The following SLC11A1 variants were observed in gnomAD, a reference collection of about 807,000 sequenced individuals.
The protein encoded by SLC11A1 is solute carrier family 11 member 1.
In SLC11A1, 59 loss-of-function variants were observed where a neutral mutation model predicts 63.2. The observed-to-expected ratio is 0.93, with a 90% CI of 0.76 to 1.16. The LOEUF (loss-of-function observed/expected upper bound fraction) is 1.16, where lower values mean the gene tolerates loss of function less well. SLC11A1 is among the 50% of genes most tolerant of loss of function. SLC11A1 has a pLI of 0.00. For synonymous variants in SLC11A1, 305 were observed against 307.8 expected (o/e 0.99, Z 0.09); for missense variants, 688 against 730.7 (o/e 0.94, Z 0.67).
intron 5 of SLC11A1, 161 bp from the exon 6 acceptor site, chr2:218,386,999 G>C: frequency 1.4e-6 from 1 of 709,364 alleles, no homozygotes; most frequent in Non-Finnish European, 2.5e-6. Context: ...GCCCTGCCTC[G>C]ACTGTTCTAT....
intron 11 of SLC11A1, 134 bp from the exon 12 acceptor site, chr2:218,392,847 G>A (rs1411612929): frequency 3.0e-6 from 2 of 659,382 alleles, no homozygotes; most frequent in African/African-American, 3.8e-5. Flanking sequence ...CCTAGGGACA[G>A]AGCTGTCCCA....
rs1362570174 is a variant in SLC11A1 at position 218,395,622 on chromosome 2, T to A, written c.*587T>A. The A allele has an allele frequency of 6.6e-6, 1 of 152,320 alleles. No individual in the cohort carries two copies. The highest frequency in any genetic ancestry group is 1.9e-4 in the East Asian group (1 of 5,178). 9.4% of individuals were successfully genotyped at this position (152,320 alleles called of 1,614,324 possible). On this transcript the variant is annotated 3_prime_UTR_variant, in exon 15 of 15. Coordinates refer to ENST00000233202, the MANE Select transcript of SLC11A1 (RefSeq NM_000578.4). ...GCGCGCGCCACCACGCCCAGCTAATTTGTGTATTTTCAGCAGAGACGGGGT... is the reference window on the plus strand; with the variant it reads ...GCGCGCGCCACCACGCCCAGCTAATATGTGTATTTTCAGCAGAGACGGGGT...
At position 218,393,008 on chromosome 2, in the gene SLC11A1, T is replaced by C; in HGVS notation, c.1192T>C (p.Phe398Leu). The change falls in exon 12 of 15, where the codon TTC becomes CTC. Residue 398 changes from phenylalanine to leucine, a missense_variant. By Grantham distance (22) the Phe-to-Leu change is conservative. Transcript: ENST00000233202. ...EGFLRLRWSR[F>L]ARVLLTRSCA... is the part of the protein sequence containing the mutation. ...CTTCCTGAGGCTGCGGTGGTCACGC[T>C]TCGCCCGTGTCCTCCTCACCCGCTC... The C allele has an allele frequency of 6.3e-7, 1 of 1,596,108 alleles. No individual in the cohort carries two copies. The highest frequency in any genetic ancestry group is 8.5e-7 in the Non-Finnish European group (1 of 1,174,374).
chr2:218,391,127 G>T, intron 9 of SLC11A1, 71 bp from the exon 10 acceptor site: 1 of 1,383,844 alleles, frequency 7.2e-7, no homozygotes, highest in Non-Finnish European at 1.0e-6. Context: ...CCTGGTCAGT[G>T]CTAGGCAGTC....
At chr2:218,386,085 A>G (rs1696082197) in intron 4 of SLC11A1, among the ~76,000 whole-genome samples, 1 of 152,226 alleles carries the variant, frequency 6.6e-6, no homozygotes, top group South Asian at 2.1e-4. Context: ...GATGCTGATG[A>G]AATGGCCACT....
At position 218,395,284 on chromosome 2, in the gene SLC11A1, C is replaced by G. The variant is rs1191378654; in HGVS notation, c.*249C>G. On this transcript the variant is annotated 3_prime_UTR_variant, in exon 15 of 15. Coordinates refer to ENST00000233202, the MANE Select transcript of SLC11A1 (RefSeq NM_000578.4). The stretch of plus-strand genomic sequence containing the variant: ...TTAAGCACTTTAACACAGTGTCTGG[C>G]ACTTGGGACAAAAACAAACAAACGA... 1 of 495,860 alleles carries G rather than the reference C, an allele frequency of 2.0e-6. No homozygotes were observed. The highest frequency in any genetic ancestry group is 3.6e-6 in the Non-Finnish European group (1 of 278,442). 30.7% of individuals were successfully genotyped at this position (495,860 alleles called of 1,614,324 possible).
rs1696784300 is a variant in SLC11A1, at chr2:218,396,538, G to A, written c.*1503G>A. ...AGGTCCGGACGCTTGTTTATGAGAAGAATTTCCTCTTTCTTAAAAGGGCAA... is the reference window on the plus strand; with the variant it reads ...AGGTCCGGACGCTTGTTTATGAGAAAAATTTCCTCTTTCTTAAAAGGGCAA... On this transcript the variant is annotated 3_prime_UTR_variant, in exon 15 of 15. Coordinates refer to ENST00000233202, the MANE Select transcript of SLC11A1 (RefSeq NM_000578.4). The A allele has an allele frequency of 6.6e-6, 1 of 152,416 alleles. No homozygotes were observed. The highest frequency in any genetic ancestry group is 1.5e-5 in the Non-Finnish European group (1 of 68,080). The allele number at this position is 152,416 out of a possible 1,614,324, so 9.4% of individuals were successfully genotyped here.
rs1695974034 is a variant in SLC11A1 at position 218,384,547 on chromosome 2, A to T, written c.273+182A>T. On this transcript the variant is annotated intron_variant, in intron 3 of 14. Transcript: ENST00000233202. This position sits in a 1 kb window ranked among gnomAD's most constrained non-coding sequence, Gnocchi z 4.0. ...AAGGTGGGGCATTTGTGTGGGGGGT[A>T]GGGGACTGGACTCCTCTCTTTAAAA... 4 of 440,204 alleles carry T rather than the reference A, an allele frequency of 9.1e-6. No individual in the cohort carries two copies. The South Asian group carries it at 1.6e-4, about 18-fold the overall frequency. 27.3% of individuals were successfully genotyped at this position (440,204 alleles called of 1,614,324 possible).
rs112069723 is a variant in SLC11A1, at chr2:218,384,170, G to A, written c.151-73G>A. ...ATGAGCCTGTTGGGGCTCCTCTAGG[G>A]GATGGCCAAGGCCAGCTGCCACCAT... On this transcript the variant is annotated intron_variant, in intron 2 of 14. Transcript: ENST00000233202. This position sits in a 1 kb window ranked among gnomAD's most constrained non-coding sequence, Gnocchi z 4.0. 562 of 1,476,548 alleles carry A rather than the reference G, an allele frequency of 3.8e-4. 7 individuals are homozygous for A. The African/African-American group carries it at 6.8e-3, about 18-fold the overall frequency. The allele number at this position is 1,476,548 out of a possible 1,614,324, so 91.5% of individuals were successfully genotyped here. A position where few individuals can be genotyped will look rare whatever the true frequency, so the allele number is the denominator to read the frequency against.
chr2:218,389,602 G>C (rs1423644253), intron 8 of SLC11A1, among the ~76,000 whole-genome samples: 1 of 152,130 alleles, frequency 6.6e-6, no homozygotes, highest in African/African-American at 2.4e-5. Flanking sequence ...GGAACAAGGT[G>C]AGTGAAGGAG....
rs776420245 is a variant in SLC11A1, at chr2:218,387,847, C to A, written c.687C>A (p.Phe229Leu). The change falls in exon 8 of 15, where the codon TTC becomes TTA. Residue 229 changes from phenylalanine to leucine, a missense_variant. Physicochemically the swap from Phe to Leu is conservative, Grantham distance 22. Coordinates refer to ENST00000233202, the MANE Select transcript of SLC11A1 (RefSeq NM_000578.4). ...PEQGALLRGL[F>L]LPSCPGCGHP... ...AGGGAGCGCTTCTTCGGGGCCTGTT[C>A]CTGCCCTCGTGCCCGGGCTGCGGCC... 4.6e-5 allele frequency: 73 copies of A among 1,602,266 alleles called. No homozygotes were observed. The Admixed American group carries it at 5.3e-4, about 12-fold the overall frequency.
At chr2:218,387,764 G>A (rs2106332350) in intron 7 of SLC11A1, 36 bp from the exon 8 acceptor site, 1 of 1,611,906 alleles carries the variant, frequency 6.2e-7, no homozygotes, top group South Asian at 1.1e-5. Context: ...TGGTTGCGAG[G>A]GGCGGGGCTT....
chr2:218,382,324 C>T lies in SLC11A1; in HGVS notation c.-45C>T. On this transcript the variant is annotated 5_prime_UTR_variant, in exon 1 of 15. Coordinates refer to ENST00000233202, the MANE Select transcript of SLC11A1 (RefSeq NM_000578.4). ...AGGGGGTGCAGGCTGAGGAGCTGCC[C>T]AGAGCACCGCTCACACTCCCAGAGT... 6.2e-7 allele frequency: 1 copy of T among 1,611,178 alleles called. No homozygotes were observed. Among genetic ancestry groups the T allele is most frequent in the Non-Finnish European group, 8.5e-7 (1 of 1,178,466 alleles).
chr2:218,388,105 C>A, intron 8 of SLC11A1, 150 bp downstream of exon 8: 1 of 967,736 alleles, frequency 1.0e-6, no homozygotes, highest in Non-Finnish European at 1.5e-6. Flanking sequence ...CGCCATGGCT[C>A]ACGCCTGTAA....
At chr2:218,387,395 G>C (rs1384680826) in intron 6 of SLC11A1, among the ~76,000 whole-genome samples, 165 bp downstream of exon 6, 1 of 152,188 alleles carries the variant, frequency 6.6e-6, no homozygotes, top group Non-Finnish European at 1.5e-5. Flanking sequence ...CTGTAACATG[G>C]GGAAATAATA....
intron 8 of SLC11A1, 138 bp downstream of exon 8, chr2:218,388,093 G>A (rs1574769245): frequency 2.7e-6 from 3 of 1,097,630 alleles, no homozygotes; most frequent in East Asian, 2.6e-5. Flanking sequence ...GGACAGGCGG[G>A]GCGCCATGGC....
At chr2:218,390,351 T>C (rs983430838) in intron 9 of SLC11A1, among the ~76,000 whole-genome samples, 2 of 150,306 alleles carry the variant, frequency 1.3e-5, no homozygotes, top group Non-Finnish European at 3.0e-5. Flanking sequence ...AGAAGCATAG[T>C]TGGGGGTATG....
chr2:218,383,180 C>G, intron 2 of SLC11A1, 78 bp downstream of exon 2: 1 of 1,517,244 alleles, frequency 6.6e-7, no homozygotes, highest in Non-Finnish European at 9.0e-7. Flanking sequence ...AGAATGGGGT[C>G]TCCTTATGAT....
At chr2:218,386,157 A>G (rs962120868) in intron 4 of SLC11A1, among the ~76,000 whole-genome samples, 1 of 152,188 alleles carries the variant, frequency 6.6e-6, no homozygotes, top group Non-Finnish European at 1.5e-5. Context: ...CAGGGGGAGA[A>G]AATGGTTTAT....
Sources: allele counts gnomAD v4.1 joint callset (sites outside exome capture counted in the v4.1 genomes callset), GRCh38; gene constraint gnomAD v4.1.1; non-coding constraint Gnocchi (gnomAD v3.1); transcripts MANE v1.5; gene names NCBI Gene and HGNC (gene_info 2026-07-23, HGNC 2026-07-21).